The following ODR4 variants were observed in gnomAD, a reference collection of about 807,000 sequenced individuals.
ODR4 encodes the protein odr-4 GPCR localization factor homolog, also known as protein odr-4 homolog.
Under a neutral mutation model 60.2 loss-of-function variants are expected in ODR4, and 47 were observed. The observed-to-expected ratio is 0.78, with a 90% CI of 0.62 to 1.00. The LOEUF (loss-of-function observed/expected upper bound fraction) is 1.00. Ranked by LOEUF, ODR4 falls within the 50% of genes least tolerant of loss-of-function variation. The pLI is 0.00. For synonymous variants in ODR4, 178 were observed against 175.5 expected, an observed-to-expected ratio of 1.01 and a Z score of -0.11; for missense variants, 488 against 530.8, an observed-to-expected ratio of 0.92 and a Z score of 0.79.
intron 12 of ODR4, among the ~76,000 whole-genome samples, chr1:186,416,056 G>T (rs1036507770): frequency 6.6e-6 from 1 of 151,962 alleles, no homozygotes; most frequent in Admixed American, 6.5e-5. Flanking sequence ...TTTGTGAGCC[G>T]CATAAGGTCT....
chr1:186,418,648 T>A (rs577751974), intron 13 of ODR4, among the ~76,000 whole-genome samples: 1 of 152,362 alleles, frequency 6.6e-6, no homozygotes, highest in South Asian at 2.1e-4. Context: ...AACTACTGCC[T>A]ACTGGAGCTG....
chr1:186,405,959 A>G (rs771113324), intron 11 of ODR4, 124 bp from the exon 12 acceptor site: 8 of 710,118 alleles, frequency 1.1e-5, no homozygotes, highest in Non-Finnish European at 1.6e-5. Context: ...TCAACCAGAA[A>G]ATGAAAAAAT....
chr1:186,400,394 C>A (rs992755624), intron 11 of ODR4, among the ~76,000 whole-genome samples: 3 of 152,088 alleles, frequency 2.0e-5, no homozygotes, highest in Non-Finnish European at 2.9e-5. Context: ...ATTCTCCTGC[C>A]TCAGCCTCCC....
intron 8 of ODR4, 49 bp from the exon 9 acceptor site, chr1:186,393,898 T>C (rs1660565425): frequency 1.0e-6 from 1 of 978,878 alleles, no homozygotes. Context: ...TTGTCTTTTA[T>C]GTTTTACAGG....
In ODR4 at chr1:186,400,581, A is replaced by G. The variant is rs999424036; in HGVS notation, c.1000+1537A>G. ...AGGCATGAGCCACCATGCCCAGCCCACATTAGCTTTTGAAGGGAATATTTT... is the reference window on the plus strand; with the variant it reads ...AGGCATGAGCCACCATGCCCAGCCCGCATTAGCTTTTGAAGGGAATATTTT... On this transcript the variant is annotated intron_variant, in intron 11 of 13. Transcript: ENST00000287859. 6.2e-5 allele frequency: 10 copies of G among 161,640 alleles called. No homozygotes were observed. In the Admixed American group the frequency reaches 6.5e-4, roughly 11 times the overall value. The allele number at this position is 161,640 out of a possible 1,614,324, so 10.0% of individuals were successfully genotyped here.
chr1:186,401,130 AG>A, intron 11 of ODR4: 1 of 1,596,460 alleles, frequency 6.3e-7, no homozygotes, highest in Non-Finnish European at 8.6e-7. Context: ...CCTTTATAAA[AG>A]TGGTATTATA....
the ODR4 span, among the ~76,000 whole-genome samples, chr1:186,426,625 A>G: frequency 4.7e-4 from 72 of 152,334 alleles, no homozygotes; most frequent in South Asian, 4.6e-3. Context: ...GCAAACACAG[A>G]TCCAGTCCAG....
At chr1:186,418,340 G>A (rs1285052371) in intron 13 of ODR4, among the ~76,000 whole-genome samples, 2 of 146,050 alleles carry the variant, frequency 1.4e-5, no homozygotes, top group African/African-American at 2.5e-5. Context: ...GCCCAGGCTG[G>A]AGTGCAGTGG....
chr1:186,426,944 A>G, the ODR4 span, among the ~76,000 whole-genome samples: 1 of 152,290 alleles, frequency 6.6e-6, no homozygotes, highest in Admixed American at 6.5e-5. Context: ...ATAACAATGT[A>G]TATACCTTAA....
chr1:186,406,385 A>G, intron 12 of ODR4, 117 bp downstream of exon 12: 1 of 631,128 alleles, frequency 1.6e-6, no homozygotes, highest in Admixed American at 3.2e-5. Context: ...TCTGTTTGAC[A>G]CTTCGAAATA....
chr1:186,413,479 G>T (rs182151573), intron 12 of ODR4, among the ~76,000 whole-genome samples: 2 of 152,166 alleles, frequency 1.3e-5, no homozygotes, highest in African/African-American at 4.8e-5. Context: ...AAAATGACTC[G>T]CTTGAGGTGA....
intron 7 of ODR4, 28 bp from the exon 8 acceptor site, chr1:186,391,668 A>C: frequency 7.0e-7 from 1 of 1,421,496 alleles, no homozygotes; most frequent in Non-Finnish European, 9.8e-7. Context: ...TTGTATCTGA[A>C]AGATTTCCAT....
At chr1:186,410,835 G>A (rs2102081831) in intron 12 of ODR4, among the ~76,000 whole-genome samples, 1 of 152,122 alleles carries the variant, frequency 6.6e-6, no homozygotes, top group Non-Finnish European at 1.5e-5. Flanking sequence ...GACCAACATG[G>A]AGAAACCCCG....
At chr1:186,429,208 G>A in the ODR4 span, among the ~76,000 whole-genome samples, 3 of 151,952 alleles carry the variant, frequency 2.0e-5, no homozygotes, top group Admixed American at 6.6e-5. Context: ...CCATGATTGT[G>A]CAACTGCATT....
downstream of ODR4, among the ~76,000 whole-genome samples, chr1:186,421,733 A>G (rs1465647165): frequency 6.6e-6 from 1 of 152,002 alleles, no homozygotes; most frequent in Admixed American, 6.6e-5. Flanking sequence ...GTGTGATGGC[A>G]TGCGCCTGTA....
Position 186,379,855 on chromosome 1 carries a change from G to C in ODR4, c.70G>C (p.Ala24Pro). The change falls in exon 2 of 14, where the codon GCT becomes CCT. Residue 24 changes from alanine to proline, a missense_variant. Transcript: ENST00000287859. ...YLSNINLQGK[A>P]FVSGLLIGQC... is the part of the protein sequence containing the mutation. ...TTCAAACATAAATCTCCAAGGAAAG[G>C]CTTTTGTCTCTGGCCTTTTAATAGG... 6.2e-7 allele frequency: 1 copy of C among 1,607,766 alleles called. No homozygotes were observed. The highest frequency in any genetic ancestry group is 1.1e-5 in the South Asian group (1 of 90,048).
chr1:186,382,378 T>C (rs1472781181), intron 2 of ODR4, among the ~76,000 whole-genome samples: 2 of 151,450 alleles, frequency 1.3e-5, no homozygotes, highest in African/African-American at 4.9e-5. Flanking sequence ...TGAGCTATGA[T>C]CACACCACTG....
At position 186,421,337 on chromosome 1, in the gene ODR4, C is replaced by G. The variant is rs1183870237; in HGVS notation, c.*2261C>G. The G allele has an allele frequency of 1.3e-5, 2 of 151,970 alleles. No homozygotes were observed. Among genetic ancestry groups the G allele is most frequent in the South Asian group, 2.1e-4 (1 of 4,826 alleles). The allele number at this position is 151,970 out of a possible 1,614,324, so 9.4% of individuals were successfully genotyped here. ...TGAAGTGTTTATAAGAAATTGTAAA[C>G]AAATGTAAAACTAAATAAACATTGT... On this transcript the variant is annotated 3_prime_UTR_variant, in exon 14 of 14. Transcript: ENST00000287859.
intron 9 of ODR4, among the ~76,000 whole-genome samples, chr1:186,395,445 C>T (rs777983594): frequency 2.6e-5 from 4 of 151,954 alleles, no homozygotes; most frequent in African/African-American, 9.7e-5. Flanking sequence ...GTCACTCCAC[C>T]GATCACCTAA....
Sources: gnomAD v4.1 joint callset for allele counts (sites outside exome capture counted in the v4.1 genomes callset) on GRCh38, gnomAD v4.1.1 for gene constraint, MANE v1.5 for transcripts, NCBI Gene and HGNC (gene_info 2026-07-23, HGNC 2026-07-21) for gene names.